Variants in CCDC158 observed in about 807,000 individuals in gnomAD.
The protein encoded by CCDC158 is coiled-coil domain-containing protein 158.
In CCDC158, 116 loss-of-function variants were observed where a neutral mutation model predicts 138.6. The observed-to-expected ratio is 0.84, with a 90% CI of 0.72 to 0.98. CCDC158 has a LOEUF of 0.98. Ranked by LOEUF, CCDC158 falls within the 50% of genes least tolerant of loss-of-function variation. The pLI, the probability that CCDC158 is intolerant of heterozygous loss-of-function variation, is 0.00. For missense variants in CCDC158, 1,265 were observed against 1,306.1 expected (o/e 0.97, Z 0.48); for synonymous variants, 436 against 442.4 (o/e 0.99, Z 0.18).
chr4:76,327,480 G>A (rs1720631383), intron 22 of CCDC158, among the ~76,000 whole-genome samples: 1 of 152,110 alleles, frequency 6.6e-6, no homozygotes, highest in South Asian at 2.1e-4. Context: ...TTGCTTCTAG[G>A]CTACAAACCT....
intron 1 of CCDC158, among the ~76,000 whole-genome samples, chr4:76,417,806 G>C (rs1370409040): frequency 2.6e-5 from 4 of 152,140 alleles, no homozygotes; most frequent in Admixed American, 6.5e-5. Context: ...GCCTCACAGT[G>C]GCCAGGGATA....
chr4:76,328,012 G>C (rs1720681227), intron 22 of CCDC158, among the ~76,000 whole-genome samples: 1 of 152,002 alleles, frequency 6.6e-6, no homozygotes, highest in South Asian at 2.1e-4. Flanking sequence ...TATAATTTCA[G>C]TCACATCTAT....
intron 14 of CCDC158, among the ~76,000 whole-genome samples, chr4:76,356,123 C>T (rs979595035): frequency 6.6e-6 from 1 of 151,952 alleles, no homozygotes; most frequent in African/African-American, 2.4e-5. Flanking sequence ...CTGGCTATAA[C>T]TTAGAGGTTA....
chr4:76,321,408 C>T (rs111596390), intron 24 of CCDC158, among the ~76,000 whole-genome samples: 4,019 of 151,904 alleles, frequency 0.026, 176 homozygotes, highest in African/African-American at 0.092. Context: ...AGTAATCCCA[C>T]TACTGGAGGA....
intron 1 of CCDC158, among the ~76,000 whole-genome samples, chr4:76,412,573 G>A (rs972610632): frequency 6.6e-6 from 1 of 152,138 alleles, no homozygotes; most frequent in Non-Finnish European, 1.5e-5. Flanking sequence ...CCAACATGGG[G>A]AAACCCCGTC....
At chr4:76,417,073 T>A (rs771246008) in intron 1 of CCDC158, among the ~76,000 whole-genome samples, 8 of 151,918 alleles carry the variant, frequency 5.3e-5, no homozygotes, top group Non-Finnish European at 1.0e-4. Flanking sequence ...GCCACAGGGG[T>A]TGGAGCTGCC....
At chr4:76,408,920 C>T (rs1729063264) in intron 2 of CCDC158, among the ~76,000 whole-genome samples, 1 of 152,190 alleles carries the variant, frequency 6.6e-6, no homozygotes, top group South Asian at 2.1e-4. Context: ...TTTTGATTTG[C>T]ATTTCTGACG....
intron 13 of CCDC158, among the ~76,000 whole-genome samples, chr4:76,358,948 G>C (rs573680769): frequency 1.7e-4 from 26 of 152,184 alleles, no homozygotes; most frequent in African/African-American, 6.3e-4. Flanking sequence ...GACCCAAATC[G>C]CATGTCCTGT....
chr4:76,385,750 C>T (rs1193760312), intron 4 of CCDC158, among the ~76,000 whole-genome samples: 1 of 152,012 alleles, frequency 6.6e-6, no homozygotes, highest in Non-Finnish European at 1.5e-5. Context: ...AGGCACACAT[C>T]TACAGACGAA....
chr4:76,385,419 A>G (rs1726693255), intron 4 of CCDC158, among the ~76,000 whole-genome samples: 1 of 152,210 alleles, frequency 6.6e-6, no homozygotes, highest in African/African-American at 2.4e-5. Flanking sequence ...TTGTATTTAC[A>G]GAGAAATTCA....
intron 11 of CCDC158, among the ~76,000 whole-genome samples, chr4:76,368,813 AT>A (rs1449055948): frequency 7.9e-5 from 12 of 152,312 alleles, no homozygotes; most frequent in Admixed American, 2.0e-4. Context: ...GAAATAAGCA[AT>A]TATTAGGTTA....
At chr4:76,401,208 TAAAAG>T in intron 3 of CCDC158, 1 of 340,778 alleles carries the variant, frequency 2.9e-6, no homozygotes, top group Non-Finnish European at 5.8e-6. Context: ...GATAGGAGCT[TAAAAG>T]AAAAACAAAC....
intron 4 of CCDC158, among the ~76,000 whole-genome samples, chr4:76,385,397 C>A (rs190209386): frequency 6.6e-5 from 10 of 151,950 alleles, no homozygotes; most frequent in African/African-American, 2.4e-4. Flanking sequence ...AAAAGAAGAA[C>A]GCTTCAAAAA....
chr4:76,400,528 A>C (rs1728266047), intron 3 of CCDC158, among the ~76,000 whole-genome samples: 1 of 151,840 alleles, frequency 6.6e-6, no homozygotes, highest in African/African-American at 2.4e-5. Context: ...CGGTGTGCAC[A>C]TGTACCCTAG....
chr4:76,313,968 C>T (rs1719131165), intron 24 of CCDC158, among the ~76,000 whole-genome samples: 1 of 152,156 alleles, frequency 6.6e-6, no homozygotes, highest in South Asian at 2.1e-4. Context: ...AAAAAGGTTA[C>T]ATCCTTTTTC....
chr4:76,391,750 A>C (rs1239893090), intron 4 of CCDC158, among the ~76,000 whole-genome samples: 2 of 151,968 alleles, frequency 1.3e-5, no homozygotes, highest in African/African-American at 4.8e-5. Context: ...TGAGAAGATA[A>C]ACAAAATTGA....
intron 24 of CCDC158, among the ~76,000 whole-genome samples, chr4:76,319,846 G>A (rs1037519287): frequency 6.6e-6 from 1 of 151,922 alleles, no homozygotes; most frequent in Non-Finnish European, 1.5e-5. Context: ...TACTGAAAGG[G>A]GAAAAATTGA....
At chr4:76,319,487 T>C (rs1429297907) in intron 24 of CCDC158, among the ~76,000 whole-genome samples, 1 of 94,624 alleles carries the variant, frequency 1.1e-5, no homozygotes, top group African/African-American at 4.4e-5. Context: ...TATATATATA[T>C]ATATATATAT....
intron 1 of CCDC158, among the ~76,000 whole-genome samples, chr4:76,419,345 C>T (rs543273168): frequency 0.027 from 17 of 632 alleles, no homozygotes; most frequent in Admixed American, 0.083. Flanking sequence ...TTCATCAGTA[C>T]AGCATGTATG....
Sources: allele counts gnomAD v4.1 joint callset (sites outside exome capture counted in the v4.1 genomes callset), GRCh38; gene constraint gnomAD v4.1.1; transcripts MANE v1.5; gene names NCBI Gene and HGNC (gene_info 2026-07-23, HGNC 2026-07-21).